The following PPP1R3F variants were observed in gnomAD, a reference collection of about 807,000 sequenced individuals.
The protein encoded by PPP1R3F is protein phosphatase 1, regulatory (inhibitor) subunit 3F.
PPP1R3F carries 29 observed loss-of-function variants against 24.2 expected under a neutral mutation model. The observed-to-expected ratio is 1.20, with a 90% CI of 0.89 to 1.63. The LOEUF (loss-of-function observed/expected upper bound fraction) is 1.63, where lower values mean the gene tolerates loss of function less well. Ranked by LOEUF, PPP1R3F falls within the 40% of genes most tolerant of loss-of-function variation. PPP1R3F has a pLI of 0.00. For synonymous variants in PPP1R3F, 363 were observed against 340.1 expected (o/e 1.07, Z -0.74); for missense variants, 823 against 729.3 (o/e 1.13, Z -1.48).
At position 49,285,819 on chromosome X, in the gene PPP1R3F, C is replaced by T. The variant is rs781989667; in HGVS notation, c.1144-15C>T. 22 of 1,125,470 alleles carry T rather than the reference C, an allele frequency of 2.0e-5. No individual in the cohort carries two copies. Among genetic ancestry groups the T allele is most frequent in the Admixed American group, 2.8e-5 (1 of 35,175 alleles). 92.8% of individuals were successfully genotyped at this position (1,125,470 alleles called of 1,213,427 possible). Reference sequence around the variant, plus strand: ...TTGCTTTTTCTCTGCCCCCTTGCCCCGGCCATGGCTCCAGGTTTCTGACGT... The same window carrying T: ...TTGCTTTTTCTCTGCCCCCTTGCCCTGGCCATGGCTCCAGGTTTCTGACGT... On this transcript the variant is annotated splice_polypyrimidine_tract_variant and intron_variant, in intron 3 of 3. Transcript: ENST00000055335.
chrX:49,270,560 G>A lies in PPP1R3F; in HGVS notation c.691G>A (p.Ala231Thr), dbSNP rs1557118936. ...CGGCCTGGGTCCCGGCCAGGCATCC[G>A]CCTCCTCGCCCGACGACGGCGGCCG... ...GLGLGPGQAS[A>T]SSPDDGGRTD... is the part of the protein sequence containing the mutation. Residue 231 changes from alanine to threonine, a missense_variant, in exon 1 of 4, where the codon GCC becomes ACC. Physicochemically the swap from Ala to Thr is moderately conservative, Grantham distance 58. Coordinates refer to ENST00000055335, the MANE Select transcript of PPP1R3F (RefSeq NM_033215.5). 8 of 1,202,810 alleles carry A rather than the reference G, an allele frequency of 6.7e-6. No individual in the cohort carries two copies. The highest frequency in any genetic ancestry group is 3.5e-5 in the South Asian group (2 of 56,511).
At chrX:49,281,823 ATC>A (rs1360418942) in intron 2 of PPP1R3F, among the ~76,000 whole-genome samples, 156 bp from the exon 3 acceptor site, 3 of 110,813 alleles carry the variant, frequency 2.7e-5, no homozygotes, top group African/African-American at 9.8e-5. Flanking sequence ...TCGAGACCCT[ATC>A]TCAAAAAAAA....
downstream of PPP1R3F, among the ~76,000 whole-genome samples, chrX:49,290,084 A>AC (rs111857735): frequency 0.052 from 5,534 of 106,417 alleles, 368 homozygotes; most frequent in African/African-American, 0.18. Flanking sequence ...AAACAAAACA[A>AC]CCCCCCCCAT....
chrX:49,291,287 T>TC (rs1569531131), downstream of PPP1R3F, among the ~76,000 whole-genome samples: 11 of 84,313 alleles, frequency 1.3e-4, no homozygotes, highest in African/African-American at 3.7e-4. Context: ...CCAGCCTACT[T>TC]TTCTCTCTCT....
intron 3 of PPP1R3F, among the ~76,000 whole-genome samples, chrX:49,300,745 T>C (rs1557123282): frequency 1.8e-5 from 2 of 111,505 alleles, no homozygotes; most frequent in African/African-American, 6.5e-5. Flanking sequence ...AAATAATTGC[T>C]TTTTAAATCT....
chrX:49,286,779 G>A lies in PPP1R3F; in HGVS notation c.2089G>A (p.Val697Ile), dbSNP rs782676457. 2.2e-5 allele frequency: 26 copies of A among 1,201,284 alleles called. No homozygotes were observed. In the East Asian group the frequency reaches 2.7e-4, roughly 12 times the overall value. ...ATCTGGCAAGGAGCCAGCCTCTCCCGTCCTTCTGCAGGGGCAAAATCCCAC... is the reference window on the plus strand; with the variant it reads ...ATCTGGCAAGGAGCCAGCCTCTCCCATCCTTCTGCAGGGGCAAAATCCCAC... ...PISGKEPASP[V>I]LLQGQNPTLL... Residue 697 changes from valine to isoleucine, a missense_variant, in exon 4 of 4, where the codon GTC becomes ATC. Coordinates refer to ENST00000055335, the MANE Select transcript of PPP1R3F (RefSeq NM_033215.5).
chrX:49,270,613 C>T lies in PPP1R3F; in HGVS notation c.744C>T (p.Pro248=), dbSNP rs1008098076. The T allele has an allele frequency of 1.7e-6, 2 of 1,206,391 alleles. No homozygotes were observed. The highest frequency in any genetic ancestry group is 2.2e-6 in the Non-Finnish European group (2 of 894,676). The change falls in exon 1 of 4, where the codon CCC becomes CCT. Residue 248 remains proline (P), a synonymous_variant. Transcript: ENST00000055335. ...CCGACCGCTTTGCCTTCCAGCTGCCCTTTGCTGAGGGCGCGGGCGATGGGG... is the reference window on the plus strand; with the variant it reads ...CCGACCGCTTTGCCTTCCAGCTGCCTTTTGCTGAGGGCGCGGGCGATGGGG... ...GRTDRFAFQL[P]FAEGAGDGAR... is the part of the protein sequence containing the mutation.
chrX:49,290,727 C>A (rs782752049), downstream of PPP1R3F, among the ~76,000 whole-genome samples: 3 of 111,593 alleles, frequency 2.7e-5, no homozygotes, highest in Non-Finnish European at 5.7e-5. Flanking sequence ...CAGGGTCACA[C>A]AGTGGGCAAG....
At chrX:49,293,993 C>CT (rs2066316054) in intron 3 of PPP1R3F, among the ~76,000 whole-genome samples, 1 of 111,613 alleles carries the variant, frequency 9.0e-6, no homozygotes, top group East Asian at 2.8e-4. Context: ...GACCCTGTCT[C>CT]AAAACAACAA....
Position 49,270,457 on chromosome X carries a change from G to C in PPP1R3F, c.588G>C (p.Ala196=), listed in dbSNP as rs1312278500. 8.3e-7 allele frequency: 1 copy of C among 1,200,443 alleles called. No homozygotes were observed. The highest frequency in any genetic ancestry group is 2.2e-5 in the Admixed American group (1 of 45,961). Residue 196 remains alanine, a synonymous_variant, in exon 1 of 4, where the codon GCG becomes GCC. Coordinates refer to ENST00000055335, the MANE Select transcript of PPP1R3F (RefSeq NM_033215.5). The part of the protein sequence containing the change: ...DGWASFCDHP[A]RYVPRSPPWA... Reference sequence around the variant, plus strand: ...GGGCTTCCTTTTGCGACCACCCAGCGCGCTACGTCCCGCGCAGCCCGCCGT... The same window carrying C: ...GGGCTTCCTTTTGCGACCACCCAGCCCGCTACGTCCCGCGCAGCCCGCCGT...
At chrX:49,291,318 C>CTCTCTCTCTGTCTGTCTCTG (rs2066308256), downstream of PPP1R3F, among the ~76,000 whole-genome samples, 4 of 104,357 alleles carry the variant, frequency 3.8e-5, no homozygotes, top group Non-Finnish European at 7.9e-5. Context: ...CTCTCTCTCT[C>CTCTCTCTCTGTCTGTCTCTG]TCTCTCTCTG....
chrX:49,283,136 T>A (rs2066260235), intron 3 of PPP1R3F, among the ~76,000 whole-genome samples: 1 of 111,557 alleles, frequency 9.0e-6, no homozygotes, highest in Non-Finnish European at 1.9e-5. Flanking sequence ...CACGTGCTCA[T>A]TCTTATTTTA....
In PPP1R3F at chrX:49,286,290, C is replaced by A. The variant is rs1388190765; in HGVS notation, c.1600C>A (p.Leu534Met). 1.2e-5 allele frequency: 15 copies of A among 1,210,161 alleles called. No homozygotes were observed. The highest frequency in any genetic ancestry group is 1.7e-5 in the Non-Finnish European group (15 of 895,065). The stretch of plus-strand genomic sequence containing the variant: ...CCTGGGCATACTGACGGACCGCGAC[C>A]TGATCTTGAAGTGGCCTGGCCCTGA... ...HPLGILTDRD[L>M]ILKWPGPERA... Residue 534 changes from leucine (L) to methionine (M), a missense_variant, in exon 4 of 4, where the codon CTG becomes ATG. Transcript: ENST00000055335.
chrX:49,296,438 A>G (rs2066323070), intron 3 of PPP1R3F, among the ~76,000 whole-genome samples: 1 of 110,368 alleles, frequency 9.1e-6, no homozygotes, highest in Non-Finnish European at 1.9e-5. Context: ...CTAGCAGTCT[A>G]TCTATTTTGT....
At chrX:49,283,005 GGTGT>G (rs58808853) in intron 3 of PPP1R3F, among the ~76,000 whole-genome samples, 164 of 92,738 alleles carry the variant, frequency 1.8e-3, no homozygotes, top group Middle Eastern at 5.7e-3. Flanking sequence ...CATTTTGGAG[GGTGT>G]GTGTGTGTGT....
At chrX:49,278,218 C>T (rs1557120240) in intron 1 of PPP1R3F, among the ~76,000 whole-genome samples, 7 of 111,815 alleles carry the variant, frequency 6.3e-5, no homozygotes, top group Non-Finnish European at 1.3e-4. Flanking sequence ...TTTTAGAAGC[C>T]TGTTTGTAAT....
intron 1 of PPP1R3F, among the ~76,000 whole-genome samples, chrX:49,276,395 T>A (rs2066213194): frequency 4.4e-5 from 5 of 112,508 alleles, no homozygotes. Context: ...AGAGGTTAAG[T>A]AACTTGCCCC....
downstream of PPP1R3F, among the ~76,000 whole-genome samples, chrX:49,292,076 C>CT: frequency 8.9e-6 from 1 of 111,949 alleles, no homozygotes. Context: ...CAGGGGGCAT[C>CT]TTATCTCCAA....
chrX:49,293,848 A>G (rs782361559), intron 3 of PPP1R3F, among the ~76,000 whole-genome samples: 4 of 111,513 alleles, frequency 3.6e-5, no homozygotes, highest in Non-Finnish European at 5.7e-5. Context: ...TACAAAAATT[A>G]GCTAGGCATG....
Sources: allele counts gnomAD v4.1 joint callset (sites outside exome capture counted in the v4.1 genomes callset), GRCh38; gene constraint gnomAD v4.1.1; transcripts MANE v1.5; gene names NCBI Gene and HGNC (gene_info 2026-07-23, HGNC 2026-07-21).